LHFPL3: variants seen among roughly 807,000 people sequenced by gnomAD.
LHFPL3 encodes the protein LHFPL tetraspan subfamily member 3.
In LHFPL3, 5 loss-of-function variants were observed where a neutral mutation model predicts 19.3. That is an observed-to-expected ratio of 0.26 (90% CI 0.14 to 0.54). The LOEUF (loss-of-function observed/expected upper bound fraction) is 0.54. LHFPL3 is among the 20% of genes least tolerant of loss of function. The pLI, the probability that LHFPL3 is intolerant of heterozygous loss-of-function variation, is 0.94. For missense variants in LHFPL3, 249 were observed against 307.4 expected, an observed-to-expected ratio of 0.81 and a Z score of 1.42; for synonymous variants, 133 against 126.2, an observed-to-expected ratio of 1.05 and a Z score of -0.36.
intron 1 of LHFPL3, among the ~76,000 whole-genome samples, chr7:104,672,828 C>T (rs773913764): frequency 6.6e-6 from 1 of 152,078 alleles, no homozygotes; most frequent in Non-Finnish European, 1.5e-5. Flanking sequence ...CCATTTTGGT[C>T]GATCCCCAGG....
chr7:104,489,817 G>A (rs1349696148), intron 1 of LHFPL3, among the ~76,000 whole-genome samples: 1 of 152,114 alleles, frequency 6.6e-6, no homozygotes, highest in East Asian at 1.9e-4. Context: ...GAATAATTTG[G>A]AGACAAGGAA....
Position 104,829,210 on chromosome 7 carries a change from C to T in LHFPL3, c.683-76977C>T, listed in dbSNP as rs1044609042. On this transcript the variant is annotated intron_variant, in intron 2 of 2. Coordinates refer to ENST00000424859, the MANE Select transcript of LHFPL3 (RefSeq NM_199000.3). ...CCACTCTCCCTGACCAAGGGTCCTC[C>T]GGCTGGCTTGGCCTCCATCAGAGGG... Among the ~76,000 whole-genome samples the T allele has an allele frequency of 1.0e-3, 158 of 151,918 alleles. 4 individuals carry two copies. The highest frequency in any genetic ancestry group is 3.5e-3 in the African/African-American group (146 of 41,270).
At chr7:104,880,671 GA>G (rs969936856) in intron 2 of LHFPL3, among the ~76,000 whole-genome samples, 256 of 132,558 alleles carry the variant, frequency 1.9e-3, no homozygotes, top group Middle Eastern at 3.8e-3. Flanking sequence ...CTACTGCTGA[GA>G]AAAAAAAAAA....
At chr7:104,599,496 G>T (rs1790924160) in intron 1 of LHFPL3, among the ~76,000 whole-genome samples, 1 of 152,192 alleles carries the variant, frequency 6.6e-6, no homozygotes, top group African/African-American at 2.4e-5. Flanking sequence ...TATGGGTAGA[G>T]CAGTATTACA....
intron 1 of LHFPL3, among the ~76,000 whole-genome samples, chr7:104,489,240 G>A (rs556920066): frequency 0.012 from 728 of 62,408 alleles, 180 homozygotes; most frequent in African/African-American, 0.031. Flanking sequence ...CCGCCACTAC[G>A]CCCGGCTAAT....
chr7:104,638,954 A>G (rs1174408261), intron 1 of LHFPL3, among the ~76,000 whole-genome samples: 3 of 151,316 alleles, frequency 2.0e-5, no homozygotes, highest in Non-Finnish European at 2.9e-5. Context: ...TGGTAGAAAC[A>G]GGGTTTCATT....
At chr7:104,616,175 G>T (rs1271036059) in intron 1 of LHFPL3, among the ~76,000 whole-genome samples, 1 of 152,018 alleles carries the variant, frequency 6.6e-6, no homozygotes, top group Non-Finnish European at 1.5e-5. Flanking sequence ...AGCCCATATA[G>T]CCAAGACAAT....
chr7:104,716,273 AG>A (rs1303590510), intron 1 of LHFPL3, among the ~76,000 whole-genome samples: 2 of 151,990 alleles, frequency 1.3e-5, no homozygotes, highest in African/African-American at 2.4e-5. Context: ...CTTGAACCCA[AG>A]AGGCAAAGGT....
chr7:104,329,430 G>C lies in LHFPL3; in HGVS notation c.445+206G>C, dbSNP rs530754348. ...CCCCGGCGCTGGCGCCTCGTCCCGG[G>C]GCTTTCGTGAGCCTCCCAAGTGTGG... On this transcript the variant is annotated intron_variant, in intron 1 of 2. Transcript: ENST00000424859. 3.2e-3 allele frequency among the ~76,000 whole-genome samples: 481 copies of C among 152,376 alleles called. 2 individuals are homozygous for C. Among genetic ancestry groups the C allele is most frequent in the African/African-American group, 0.011 (466 of 41,594 alleles).
At chr7:104,710,803 C>T (rs1793287359) in intron 1 of LHFPL3, among the ~76,000 whole-genome samples, 1 of 152,198 alleles carries the variant, frequency 6.6e-6, no homozygotes, top group South Asian at 2.1e-4. Context: ...GTCAAAATAT[C>T]TTAGGAAAAT....
chr7:104,777,602 CA>C (rs934131443), intron 2 of LHFPL3, among the ~76,000 whole-genome samples: 2 of 152,210 alleles, frequency 1.3e-5, no homozygotes, highest in African/African-American at 4.8e-5. Context: ...TGCAAATCCC[CA>C]AAGGCAACCT....
chr7:104,412,782 C>T (rs1054431128), intron 1 of LHFPL3, among the ~76,000 whole-genome samples: 1 of 152,020 alleles, frequency 6.6e-6, no homozygotes, highest in Non-Finnish European at 1.5e-5. Flanking sequence ...ATTTTTTTAT[C>T]TCACAGATCG....
intron 1 of LHFPL3, among the ~76,000 whole-genome samples, chr7:104,654,753 C>T (rs185020465): frequency 2.1e-4 from 32 of 152,196 alleles, no homozygotes; most frequent in Non-Finnish European, 1.2e-4. Flanking sequence ...AAATGAAGAG[C>T]TGAGCAGTAT....
rs183099210 is a variant in LHFPL3, at chr7:104,499,017, C to T, written c.445+169793C>T. Among the ~76,000 whole-genome samples the T allele has an allele frequency of 3.6e-3, 542 of 152,116 alleles. 3 individuals are homozygous for T. Among genetic ancestry groups the T allele is most frequent in the Non-Finnish European group, 5.9e-3 (403 of 68,012 alleles). ...TCTAATGTTTGGGCATGGGTATTTC[C>T]AGGTGCAATAACTCATTTAAACTCA... is the stretch of plus-strand genomic sequence containing the variant. On this transcript the variant is annotated intron_variant, in intron 1 of 2. Coordinates refer to ENST00000424859, the MANE Select transcript of LHFPL3 (RefSeq NM_199000.3).
At chr7:104,349,599 C>T (rs1221126458) in intron 1 of LHFPL3, among the ~76,000 whole-genome samples, 3 of 152,282 alleles carry the variant, frequency 2.0e-5, no homozygotes, top group African/African-American at 7.2e-5. Flanking sequence ...GCATTTATAG[C>T]ATTAGGAGAA....
At chr7:104,902,225 A>T (rs1158202154) in intron 2 of LHFPL3, among the ~76,000 whole-genome samples, 2 of 152,032 alleles carry the variant, frequency 1.3e-5, no homozygotes, top group Non-Finnish European at 2.9e-5. Flanking sequence ...ATAAAAAAAA[A>T]TTTTAAATTA....
intron 2 of LHFPL3, among the ~76,000 whole-genome samples, chr7:104,765,520 T>A (rs992432766): frequency 6.6e-6 from 1 of 152,232 alleles, no homozygotes; most frequent in Admixed American, 6.5e-5. Flanking sequence ...TGTCATCACT[T>A]TTAGAAGTCA....
chr7:104,506,018 AT>A (rs35956092), intron 1 of LHFPL3, among the ~76,000 whole-genome samples: 15,361 of 145,860 alleles, frequency 0.11, 956 homozygotes, highest in Admixed American at 0.18. Flanking sequence ...ATGAAAACTG[AT>A]TTTTTTTTTT....
At chr7:104,678,645 T>C (rs1173603498) in intron 1 of LHFPL3, among the ~76,000 whole-genome samples, 2 of 152,196 alleles carry the variant, frequency 1.3e-5, no homozygotes, top group Admixed American at 1.3e-4. Flanking sequence ...ATGTAACTGT[T>C]ATACTCTGAT....
Sources: allele counts gnomAD v4.1 joint callset (sites outside exome capture counted in the v4.1 genomes callset), GRCh38; gene constraint gnomAD v4.1.1; transcripts MANE v1.5; gene names NCBI Gene and HGNC (gene_info 2026-07-23, HGNC 2026-07-21).